AFF3: variants seen among roughly 807,000 people sequenced by gnomAD.
AFF3 encodes ALF transcription elongation factor 3.
Under a neutral mutation model 129.7 loss-of-function variants are expected in AFF3, and 32 were observed. That is an observed-to-expected ratio of 0.25 (90% CI 0.19 to 0.33). The LOEUF is 0.33. AFF3 is among the 10% of genes least tolerant of loss of function. The pLI is 1.00. For missense variants in AFF3, 1,373 were observed against 1,592.0 expected, an observed-to-expected ratio of 0.86 and a Z score of 2.34; for synonymous variants, 644 against 635.4, an observed-to-expected ratio of 1.01 and a Z score of -0.20.
intron 7 of AFF3, among the ~76,000 whole-genome samples, chr2:99,947,579 A>AAAAGAAAG (rs1163104965): frequency 4.0e-4 from 54 of 134,402 alleles, no homozygotes; most frequent in Admixed American, 1.4e-3. Context: ...GAAAGAAAAG[A>AAAAGAAAG]AAAGAAAGAA....
intron 11 of AFF3, chr2:99,707,481 C>G: frequency 1.0e-6 from 1 of 985,340 alleles, no homozygotes; most frequent in Non-Finnish European, 1.2e-6. Context: ...AAAAGGTTAT[C>G]CACGAAGTTT....
At chr2:99,739,969 C>G (rs1177818613) in intron 10 of AFF3, among the ~76,000 whole-genome samples, 1 of 119,834 alleles carries the variant, frequency 8.3e-6, no homozygotes, top group Non-Finnish European at 1.7e-5. Context: ...CCCCTCCCCC[C>G]ACCCCACAAC....
At chr2:100,001,348 A>C (rs1292318640) in intron 7 of AFF3, among the ~76,000 whole-genome samples, 1 of 152,194 alleles carries the variant, frequency 6.6e-6, no homozygotes, top group Non-Finnish European at 1.5e-5. Context: ...ACTTTCTTCA[A>C]ATTTCTCATC....
chr2:99,838,345 T>C (rs1444401063), intron 7 of AFF3, among the ~76,000 whole-genome samples: 1 of 152,152 alleles, frequency 6.6e-6, no homozygotes, highest in Non-Finnish European at 1.5e-5. Flanking sequence ...TGAGAGTAGA[T>C]GTCACTGTGA....
At chr2:99,611,878 TATC>T (rs1680963844) in intron 13 of AFF3, among the ~76,000 whole-genome samples, 1 of 136,004 alleles carries the variant, frequency 7.4e-6, no homozygotes, top group Non-Finnish European at 1.7e-5. Context: ...CAGAGTGAGA[TATC>T]ATCTCAAAAA....
At chr2:99,808,189 C>G (rs1356378302) in intron 8 of AFF3, among the ~76,000 whole-genome samples, 1 of 152,172 alleles carries the variant, frequency 6.6e-6, no homozygotes, top group African/African-American at 2.4e-5. Context: ...CTTTCCTAAA[C>G]ACCACTCTCA....
At chr2:99,823,980 T>C (rs1289609999) in intron 8 of AFF3, among the ~76,000 whole-genome samples, 1 of 152,080 alleles carries the variant, frequency 6.6e-6, no homozygotes, top group Non-Finnish European at 1.5e-5. Flanking sequence ...ACCGATCGGA[T>C]ATACCCAGGC....
chr2:99,948,678 C>G (rs200710157), intron 7 of AFF3, among the ~76,000 whole-genome samples: 4 of 152,090 alleles, frequency 2.6e-5, no homozygotes, highest in Non-Finnish European at 5.9e-5. Flanking sequence ...AGACAGAGCC[C>G]GCAAGGCCAG....
Position 99,582,954 on chromosome 2 carries a change from G to A in AFF3, c.2637C>T (p.Pro879=), listed in dbSNP as rs1265193706. Reference sequence around the variant, plus strand: ...TAGATGCATCAGAGAGGGGTGAGATGGGCGACCGAAGCATTTTTTCATTTT... The same window carrying A: ...TAGATGCATCAGAGAGGGGTGAGATAGGCGACCGAAGCATTTTTTCATTTT... ...INKNEKMLRS[P]ISPLSDASKH... is the part of the protein sequence containing the mutation. The change falls in exon 17 of 25, where the codon CCC becomes CCT. Residue 879 remains proline, a synonymous_variant. Coordinates refer to ENST00000672756, the MANE Select transcript of AFF3 (RefSeq NM_001386135.1). The A allele has an allele frequency of 6.2e-7, 1 of 1,614,118 alleles. No individual in the cohort carries two copies. The highest frequency in any genetic ancestry group is 1.1e-5 in the South Asian group (1 of 91,084).
chr2:100,069,984 T>C (rs920297423), intron 4 of AFF3, among the ~76,000 whole-genome samples: 4 of 152,218 alleles, frequency 2.6e-5, no homozygotes, highest in Non-Finnish European at 4.4e-5. Context: ...CTGCAAGGTA[T>C]TGAAGTGGAA....
At chr2:99,579,581 G>A (rs758218005) in intron 17 of AFF3, among the ~76,000 whole-genome samples, 9 of 151,864 alleles carry the variant, frequency 5.9e-5, no homozygotes, top group South Asian at 2.1e-4. Context: ...TTAGCCAGGC[G>A]TGGTGGTAGG....
At chr2:99,968,690 G>A (rs1032374336) in intron 7 of AFF3, among the ~76,000 whole-genome samples, 4 of 150,832 alleles carry the variant, frequency 2.7e-5, no homozygotes, top group Non-Finnish European at 5.9e-5. Context: ...GACGAGAAAC[G>A]AGAAACACAA....
At chr2:99,918,384 G>A (rs764021766) in intron 7 of AFF3, among the ~76,000 whole-genome samples, 12 of 152,034 alleles carry the variant, frequency 7.9e-5, no homozygotes, top group Non-Finnish European at 1.2e-4. Flanking sequence ...CACCTTCTAT[G>A]TTCTTAAAAA....
At chr2:99,672,890 G>A (rs10210026) in intron 11 of AFF3, among the ~76,000 whole-genome samples, 12,675 of 152,036 alleles carry the variant, frequency 0.083, 1,732 homozygotes, top group African/African-American at 0.29. Context: ...TGTATATTTC[G>A]AAATAGCTAG....
At position 99,995,464 on chromosome 2, in the gene AFF3, C is replaced by G. The variant is rs13394055; in HGVS notation, c.873+11168G>C. On this transcript the variant is annotated intron_variant, in intron 7 of 24. Coordinates refer to ENST00000672756, the MANE Select transcript of AFF3 (RefSeq NM_001386135.1). Reference sequence around the variant, plus strand: ...CTCAGCTCACTGCAAGCTCCGCCTCCCGGGTTCACGCCATTCTCCTGCCTC... The same window carrying G: ...CTCAGCTCACTGCAAGCTCCGCCTCGCGGGTTCACGCCATTCTCCTGCCTC... Among the ~76,000 whole-genome samples the G allele has an allele frequency of 3.8e-3, 572 of 152,068 alleles. 3 individuals carry two copies. Among genetic ancestry groups the G allele is most frequent in the African/African-American group, 0.013 (545 of 41,470 alleles).
intron 7 of AFF3, among the ~76,000 whole-genome samples, chr2:99,840,838 G>T (rs1281002724): frequency 6.6e-6 from 1 of 152,188 alleles, no homozygotes; most frequent in South Asian, 2.1e-4. Context: ...TGGTCACTTG[G>T]AAGGATTTCC....
At chr2:100,088,009 C>A (rs1225160098) in intron 4 of AFF3, among the ~76,000 whole-genome samples, 3 of 151,266 alleles carry the variant, frequency 2.0e-5, no homozygotes, top group African/African-American at 7.3e-5. Flanking sequence ...CTAGGAACAG[C>A]AGGAAACTTC....
At chr2:99,588,683 C>G (rs1678364393) in intron 15 of AFF3, among the ~76,000 whole-genome samples, 1 of 152,140 alleles carries the variant, frequency 6.6e-6, no homozygotes, top group Non-Finnish European at 1.5e-5. Context: ...CACAGGGGCT[C>G]CCAGATGCCC....
chr2:99,977,144 T>C (rs576114994), intron 7 of AFF3, among the ~76,000 whole-genome samples: 7 of 152,344 alleles, frequency 4.6e-5, no homozygotes, highest in Admixed American at 4.6e-4. Flanking sequence ...GGCTTGGATG[T>C]GGCTTTGTCT....
Sources: allele counts gnomAD v4.1 joint callset (sites outside exome capture counted in the v4.1 genomes callset), GRCh38; gene constraint gnomAD v4.1.1; transcripts MANE v1.5; gene names NCBI Gene and HGNC (gene_info 2026-07-23, HGNC 2026-07-21).